ASIC2: variants seen among roughly 807,000 people sequenced by gnomAD.
ASIC2 encodes acid sensing ion channel subunit 2, also known as acid-sensing ion channel 2.
ASIC2 carries 25 observed loss-of-function variants against 57.3 expected under a neutral mutation model. That is an observed-to-expected ratio of 0.44 (90% CI 0.32 to 0.61). ASIC2 has a LOEUF of 0.61. Ranked by LOEUF, ASIC2 falls within the 20% of genes least tolerant of loss-of-function variation. ASIC2 has a pLI of 0.06. For synonymous variants in ASIC2, 319 were observed against 307.5 expected, an observed-to-expected ratio of 1.04 and a Z score of -0.39; for missense variants, 641 against 738.1, an observed-to-expected ratio of 0.87 and a Z score of 1.52.
At chr17:33,801,589 A>G (rs1912134619) in intron 1 of ASIC2, among the ~76,000 whole-genome samples, 1 of 152,284 alleles carries the variant, frequency 6.6e-6, no homozygotes, top group East Asian at 1.9e-4. Context: ...GGTAAGAAAC[A>G]TATAGTATAC....
At chr17:33,045,078 G>T (rs889848480) in intron 3 of ASIC2, among the ~76,000 whole-genome samples, 2 of 152,114 alleles carry the variant, frequency 1.3e-5, no homozygotes, top group Non-Finnish European at 2.9e-5. Flanking sequence ...TTGGGCTGGG[G>T]TACAATGCCC....
intron 1 of ASIC2, among the ~76,000 whole-genome samples, chr17:33,384,654 G>A (rs746744445): frequency 1.1e-4 from 17 of 151,936 alleles, no homozygotes; most frequent in Non-Finnish European, 1.6e-4. Context: ...TGCCAAGGGC[G>A]GATTATTGAC....
At chr17:33,835,543 G>T (rs1169933481) in intron 1 of ASIC2, among the ~76,000 whole-genome samples, 1 of 152,034 alleles carries the variant, frequency 6.6e-6, no homozygotes, top group Non-Finnish European at 1.5e-5. Context: ...ACTCTGACTT[G>T]TTCTCACTTC....
intron 3 of ASIC2, among the ~76,000 whole-genome samples, chr17:33,084,637 T>C (rs2092127548): frequency 6.6e-6 from 1 of 152,244 alleles, no homozygotes; most frequent in Non-Finnish European, 1.5e-5. Context: ...TTAAATGAGA[T>C]AATGTGCCTC....
chr17:33,243,680 C>T (rs910525575), intron 1 of ASIC2, among the ~76,000 whole-genome samples: 2 of 152,194 alleles, frequency 1.3e-5, no homozygotes, highest in Non-Finnish European at 1.5e-5. Flanking sequence ...TCTTTGAAGA[C>T]GTGAATATAA....
intron 1 of ASIC2, among the ~76,000 whole-genome samples, chr17:33,281,450 G>A (rs1269809679): frequency 7.4e-4 from 113 of 152,184 alleles, no homozygotes; most frequent in Non-Finnish European, 1.0e-4. Context: ...ATACAAGAGA[G>A]CAGGAACAGT....
At chr17:34,051,071 C>T (rs959096519) in intron 1 of ASIC2, among the ~76,000 whole-genome samples, 1 of 152,220 alleles carries the variant, frequency 6.6e-6, no homozygotes, top group Non-Finnish European at 1.5e-5. Flanking sequence ...TGTGCAATTG[C>T]TTTCCTGCAA....
intron 1 of ASIC2, among the ~76,000 whole-genome samples, chr17:34,147,418 A>C (rs1912449167): frequency 6.6e-6 from 1 of 152,258 alleles, no homozygotes; most frequent in African/African-American, 2.4e-5. Flanking sequence ...AATCAGAAGA[A>C]AATAAGTACT....
intron 1 of ASIC2, among the ~76,000 whole-genome samples, chr17:33,497,493 G>A (rs1181616293): frequency 6.6e-6 from 1 of 152,088 alleles, no homozygotes; most frequent in Admixed American, 6.5e-5. Flanking sequence ...TCGAAGGAAA[G>A]AGCTGGCAAA....
intron 1 of ASIC2, among the ~76,000 whole-genome samples, chr17:33,455,978 GC>G (rs565686219): frequency 4.5e-4 from 69 of 152,322 alleles, no homozygotes; most frequent in African/African-American, 1.6e-3. Context: ...GAGGTGAGGT[GC>G]CCCACCCAGA....
chr17:33,659,382 G>A (rs1907177554), intron 1 of ASIC2, among the ~76,000 whole-genome samples: 1 of 152,174 alleles, frequency 6.6e-6, no homozygotes, highest in South Asian at 2.1e-4. Flanking sequence ...AGACATCAGA[G>A]AGTGTGCTTA....
At chr17:34,026,656 C>T (rs1907389979) in intron 1 of ASIC2, among the ~76,000 whole-genome samples, 1 of 152,224 alleles carries the variant, frequency 6.6e-6, no homozygotes, top group African/African-American at 2.4e-5. Context: ...CTCTCCATGG[C>T]TCTTGCAGCC....
chr17:33,581,179 A>T (rs776423261), intron 1 of ASIC2: 1 of 152,238 alleles, frequency 6.6e-6, no homozygotes, highest in Non-Finnish European at 1.5e-5. Context: ...ACAGCAGGTG[A>T]AGTCAGAGAG....
chr17:33,107,603 G>C (rs1230645757), intron 2 of ASIC2, among the ~76,000 whole-genome samples: 2 of 152,154 alleles, frequency 1.3e-5, no homozygotes, highest in Non-Finnish European at 2.9e-5. Flanking sequence ...GGAGCACCTT[G>C]GTGTGGGGCA....
At chr17:33,430,429 C>A (rs561883664) in intron 1 of ASIC2, among the ~76,000 whole-genome samples, 9 of 152,238 alleles carry the variant, frequency 5.9e-5, no homozygotes, top group Non-Finnish European at 1.0e-4. Context: ...GGGAATACAG[C>A]GTTAAAAACT....
At chr17:33,454,759 G>A (rs1449721535) in intron 1 of ASIC2, among the ~76,000 whole-genome samples, 1 of 152,182 alleles carries the variant, frequency 6.6e-6, no homozygotes, top group Non-Finnish European at 1.5e-5. Flanking sequence ...AGCAGATTTG[G>A]TGTCTGGTGA....
intron 1 of ASIC2, among the ~76,000 whole-genome samples, chr17:33,274,135 T>A (rs1019916566): frequency 5.9e-5 from 9 of 152,236 alleles, no homozygotes; most frequent in African/African-American, 2.2e-4. Flanking sequence ...GCAAGTGATG[T>A]GACCACATTG....
At chr17:34,073,043 T>C (rs889980117) in intron 1 of ASIC2, among the ~76,000 whole-genome samples, 1 of 152,140 alleles carries the variant, frequency 6.6e-6, no homozygotes, top group Non-Finnish European at 1.5e-5. Context: ...CAGGAGGTGA[T>C]AGGAGAAAAT....
At chr17:33,194,548 T>G (rs1172369918) in intron 1 of ASIC2, among the ~76,000 whole-genome samples, 1 of 152,224 alleles carries the variant, frequency 6.6e-6, no homozygotes, top group Admixed American at 6.5e-5. Context: ...TACTTCTTCT[T>G]TTTAAAGATC....
Sources: allele counts gnomAD v4.1 joint callset (sites outside exome capture counted in the v4.1 genomes callset), GRCh38; gene constraint gnomAD v4.1.1; transcripts MANE v1.5; gene names NCBI Gene and HGNC (gene_info 2026-07-23, HGNC 2026-07-21).